Variants in GLRA2 observed in about 807,000 individuals in gnomAD.
GLRA2 encodes the protein glycine receptor subunit alpha-2.
In GLRA2, 11 loss-of-function variants were observed where a neutral mutation model predicts 31.6. That is an observed-to-expected ratio of 0.35 (90% confidence interval 0.22 to 0.58). GLRA2 has a LOEUF of 0.58. Ranked by LOEUF, GLRA2 falls within the 20% of genes least tolerant of loss-of-function variation. The pLI, the probability that GLRA2 is intolerant of heterozygous loss-of-function variation, is 0.84. For synonymous variants in GLRA2, 132 were observed against 134.0 expected (o/e 0.99, Z 0.10); for missense variants, 212 against 351.8 (o/e 0.60, Z 3.18).
At chrX:14,454,556 G>T in the GLRA2 span, among the ~76,000 whole-genome samples, 2 of 104,589 alleles carry the variant, frequency 1.9e-5, no homozygotes, top group Non-Finnish European at 3.9e-5. Context: ...CAAATAAAGT[G>T]TAAGCCCTCA....
chrX:14,651,924 T>C (rs2090894305), intron 7 of GLRA2, among the ~76,000 whole-genome samples: 1 of 111,076 alleles, frequency 9.0e-6, no homozygotes, highest in Non-Finnish European at 1.9e-5. Flanking sequence ...TGAGATGAGG[T>C]CATAAGAGCA....
Position 14,546,599 on chromosome X carries a change from A to AT in GLRA2, c.202+14240dup, listed in dbSNP as rs4014225. Among the ~76,000 whole-genome samples the AT allele has an allele frequency of 7.6e-3, 792 of 104,524 alleles. 8 individuals are homozygous for AT. The highest frequency in any genetic ancestry group is 0.021 in the African/African-American group (608 of 28,865). 90.8% of individuals were successfully genotyped at this position (104,524 alleles called of 115,157 possible). On this transcript the variant is annotated intron_variant, in intron 2 of 8. Coordinates refer to ENST00000218075, the MANE Select transcript of GLRA2 (RefSeq NM_002063.4). ...CAAATAGGATAATTACACACGTGGG[A>AT]TTTTTTTTTTTTTCTGCCTACAGTT...
intron 8 of GLRA2, among the ~76,000 whole-genome samples, chrX:14,693,422 G>A (rs1477549872): frequency 4.5e-5 from 5 of 111,357 alleles, no homozygotes; most frequent in Non-Finnish European, 9.4e-5. Flanking sequence ...AGGGGGATGT[G>A]ATTACTATAG....
At chrX:14,574,735 C>T (rs1333255784) in intron 3 of GLRA2, among the ~76,000 whole-genome samples, 1 of 111,976 alleles carries the variant, frequency 8.9e-6, no homozygotes, top group Non-Finnish European at 1.9e-5. Flanking sequence ...GTGTTCATTA[C>T]TTAATATTCA....
chrX:14,572,023 C>T (rs1235174248), intron 2 of GLRA2, among the ~76,000 whole-genome samples: 3 of 112,000 alleles, frequency 2.7e-5, no homozygotes, highest in African/African-American at 9.7e-5. Flanking sequence ...CATCTGTAAA[C>T]ATTTACTAGA....
intron 7 of GLRA2, among the ~76,000 whole-genome samples, chrX:14,630,422 G>A (rs1448389356): frequency 9.0e-6 from 1 of 111,576 alleles, no homozygotes; most frequent in Non-Finnish European, 1.9e-5. Flanking sequence ...ATGTGGCTCA[G>A]TGTAATTTTC....
chrX:14,544,077 G>A (rs993472718), intron 2 of GLRA2, among the ~76,000 whole-genome samples: 5 of 111,555 alleles, frequency 4.5e-5, no homozygotes, highest in Non-Finnish European at 9.4e-5. Flanking sequence ...CAGTAAATGA[G>A]GCTTTCATTT....
At chrX:14,695,328 CATGGGGGGATA>C (rs1394329905) in intron 8 of GLRA2, among the ~76,000 whole-genome samples, 2 of 111,219 alleles carry the variant, frequency 1.8e-5, no homozygotes, top group East Asian at 5.6e-4. Flanking sequence ...AATGTGTGCT[CATGGGGGGATA>C]TATTTTTTCC....
the GLRA2 span, among the ~76,000 whole-genome samples, chrX:14,457,218 A>G: frequency 4.4e-4 from 49 of 111,988 alleles, no homozygotes; most frequent in African/African-American, 1.5e-3. Flanking sequence ...TTTAAAAATT[A>G]TACTTTAAGT....
At chrX:14,673,149 T>C (rs1175416239) in intron 7 of GLRA2, among the ~76,000 whole-genome samples, 4 of 112,057 alleles carry the variant, frequency 3.6e-5, no homozygotes, top group Non-Finnish European at 7.5e-5. Flanking sequence ...AAGGAATCCC[T>C]GTTCTCATCC....
intron 4 of GLRA2, among the ~76,000 whole-genome samples, chrX:14,589,542 G>A (rs1039681938): frequency 3.8e-5 from 4 of 105,001 alleles, no homozygotes; most frequent in Middle Eastern, 4.4e-3. Context: ...ATGGTGTCGG[G>A]TGCCTGTAGT....
the GLRA2 span, among the ~76,000 whole-genome samples, chrX:14,503,239 G>C: frequency 1.8e-5 from 2 of 111,408 alleles, no homozygotes; most frequent in Non-Finnish European, 3.8e-5. Context: ...TCTAGCAGAG[G>C]ACAGAGCAGT....
chrX:14,550,378 G>A (rs1454994648), intron 2 of GLRA2, among the ~76,000 whole-genome samples: 1 of 110,385 alleles, frequency 9.1e-6, no homozygotes, highest in African/African-American at 3.3e-5. Flanking sequence ...GAAGGAGCAG[G>A]AGGAATCAAT....
At chrX:14,542,158 G>A (rs1252838676) in intron 2 of GLRA2, among the ~76,000 whole-genome samples, 2 of 111,864 alleles carry the variant, frequency 1.8e-5, no homozygotes. Flanking sequence ...CATGTCTTTG[G>A]ACAAGACCAG....
At chrX:14,586,586 G>A (rs191896183) in intron 4 of GLRA2, among the ~76,000 whole-genome samples, 2 of 112,121 alleles carry the variant, frequency 1.8e-5, no homozygotes, top group African/African-American at 6.5e-5. Context: ...TAAATTCAGA[G>A]AGAGTCAAAT....
chrX:14,553,604 G>A (rs1299596703), intron 2 of GLRA2, among the ~76,000 whole-genome samples: 4 of 110,835 alleles, frequency 3.6e-5, no homozygotes, highest in Admixed American at 1.9e-4. Context: ...CCATATCCCC[G>A]GTCCCTTACC....
chrX:14,726,734 T>A (rs762107031), intron 8 of GLRA2, among the ~76,000 whole-genome samples: 7 of 112,620 alleles, frequency 6.2e-5, no homozygotes, highest in Non-Finnish European at 9.4e-5. Context: ...ATTCACAGTA[T>A]GTGATGAAAG....
chrX:14,466,353 A>G, the GLRA2 span, among the ~76,000 whole-genome samples: 1 of 110,975 alleles, frequency 9.0e-6, no homozygotes, highest in Non-Finnish European at 1.9e-5. Context: ...GCATCCATCT[A>G]CCTCCCTGTT....
At position 14,699,607 on chromosome X, in the gene GLRA2, TATACA is replaced by T. The variant is rs771371937; in HGVS notation, c.1080+8754_1080+8758del. Among the ~76,000 whole-genome samples the T allele has an allele frequency of 7.5e-3, 842 of 112,062 alleles. 7 individuals carry two copies. Among genetic ancestry groups the T allele is most frequent in the African/African-American group, 0.026 (805 of 30,782 alleles). ...ATCATCTCTTCTAGATATTTTGAAATATACAATACATTATCATTAACGATTTTCAC... is the reference window on the plus strand; with the variant it reads ...ATCATCTCTTCTAGATATTTTGAAATATACATTATCATTAACGATTTTCAC... On this transcript the variant is annotated intron_variant, in intron 8 of 8. Coordinates refer to ENST00000218075, the MANE Select transcript of GLRA2 (RefSeq NM_002063.4).
Sources: allele counts gnomAD v4.1 joint callset (sites outside exome capture counted in the v4.1 genomes callset), GRCh38; gene constraint gnomAD v4.1.1; transcripts MANE v1.5; gene names NCBI Gene and HGNC (gene_info 2026-07-23, HGNC 2026-07-21).